The following TMC2 variants were observed in gnomAD, a reference collection of about 807,000 sequenced individuals.
TMC2 encodes the protein transmembrane channel like 2.
In TMC2, 102 loss-of-function variants were observed where a neutral mutation model predicts 105.9. The observed-to-expected ratio is 0.96, with a 90% CI of 0.82 to 1.14. The LOEUF is 1.14. Among genes scored for constraint, TMC2 ranks in the 50% most tolerant of loss-of-function variants. TMC2 has a pLI of 0.00. For synonymous variants in TMC2, 402 were observed against 422.8 expected (o/e 0.95, Z 0.60); for missense variants, 1,093 against 1,134.3 (o/e 0.96, Z 0.52).
intron 19 of TMC2, among the ~76,000 whole-genome samples, chr20:2,637,894 C>T (rs1008792539): frequency 6.6e-5 from 10 of 152,150 alleles, no homozygotes; most frequent in Admixed American, 2.6e-4. Flanking sequence ...TTGGATCAAC[C>T]ATGGATGGCA....
intron 17 of TMC2, among the ~76,000 whole-genome samples, chr20:2,634,198 T>A (rs2086625718): frequency 6.6e-6 from 1 of 152,182 alleles, no homozygotes. Context: ...CTGTGGTCAG[T>A]TTCCTGCCCG....
chr20:2,565,584 T>G (rs948248982), intron 4 of TMC2, among the ~76,000 whole-genome samples: 1 of 152,166 alleles, frequency 6.6e-6, no homozygotes, highest in African/African-American at 2.4e-5. Flanking sequence ...ACGCAACCCC[T>G]TTGCTACCAG....
chr20:2,599,539 A>ATTTTCTTTTT (rs1439640342), intron 10 of TMC2, among the ~76,000 whole-genome samples: 13 of 85,510 alleles, frequency 1.5e-4, no homozygotes, highest in African/African-American at 6.3e-4. Flanking sequence ...CTTTAATTAC[A>ATTTTCTTTTT]TTTTTTTTTT....
At chr20:2,623,973 A>AT (rs139185348) in intron 16 of TMC2, among the ~76,000 whole-genome samples, 5,788 of 152,210 alleles carry the variant, frequency 0.038, 361 homozygotes, top group African/African-American at 0.13. Context: ...GAGGAAAACC[A>AT]TTTTTTTCTG....
At chr20:2,566,307 C>T (rs763987336) in intron 4 of TMC2, among the ~76,000 whole-genome samples, 15 of 152,134 alleles carry the variant, frequency 9.9e-5, no homozygotes, top group Non-Finnish European at 1.5e-4. Flanking sequence ...TAAAAAATAG[C>T]GATTACTGTT....
intron 7 of TMC2, among the ~76,000 whole-genome samples, chr20:2,590,319 G>T (rs547153285): frequency 6.6e-6 from 1 of 152,122 alleles, no homozygotes; most frequent in East Asian, 1.9e-4. Flanking sequence ...AATTCAGGAG[G>T]GGCTTATCCA....
chr20:2,593,976 T>C (rs1030530230), intron 8 of TMC2, among the ~76,000 whole-genome samples: 50 of 152,278 alleles, frequency 3.3e-4, no homozygotes, highest in African/African-American at 1.2e-3. Context: ...CACACTGTCA[T>C]TGCCTCTCTG....
chr20:2,599,339 T>C (rs1445216786), intron 10 of TMC2, among the ~76,000 whole-genome samples: 1 of 151,156 alleles, frequency 6.6e-6, no homozygotes, highest in Non-Finnish European at 1.5e-5. Context: ...CTATGTTTCT[T>C]TCAATCCACA....
intron 2 of TMC2, among the ~76,000 whole-genome samples, chr20:2,545,227 A>G (rs532671545): frequency 2.6e-4 from 40 of 152,118 alleles, no homozygotes; most frequent in Non-Finnish European, 5.6e-4. Flanking sequence ...AAATACATAC[A>G]TACATAAAGG....
intron 2 of TMC2, among the ~76,000 whole-genome samples, chr20:2,542,144 C>A (rs1030100934): frequency 1.3e-5 from 2 of 151,864 alleles, no homozygotes; most frequent in Non-Finnish European, 2.9e-5. Context: ...GACAGATCAA[C>A]AAGAGGGGAA....
Position 2,592,474 on chromosome 20 carries a change from A to C in TMC2, c.933+66A>C, listed in dbSNP as rs939725398. The C allele has an allele frequency of 1.9e-6, 2 of 1,055,042 alleles. No homozygotes were observed. The highest frequency in any genetic ancestry group is 1.5e-6 in the Non-Finnish European group (1 of 672,110). The allele number at this position is 1,055,042 out of a possible 1,614,324, so 65.4% of individuals were successfully genotyped here. On this transcript the variant is annotated intron_variant, in intron 8 of 19. Coordinates refer to ENST00000358864, the MANE Select transcript of TMC2 (RefSeq NM_080751.3). This position sits in a 1 kb window ranked among gnomAD's most constrained non-coding sequence, Gnocchi z 4.9. ...ATAAAGGCTAAAGATTGCATGGATA[A>C]GTATGAAATAGTGCGTTTAATTATT...
At chr20:2,553,371 G>A (rs1353018488) in intron 2 of TMC2, among the ~76,000 whole-genome samples, 1 of 152,148 alleles carries the variant, frequency 6.6e-6, no homozygotes. Flanking sequence ...TTCATTAGCT[G>A]TTGATAAGAT....
intron 16 of TMC2, among the ~76,000 whole-genome samples, chr20:2,620,192 T>C (rs913284189): frequency 3.9e-5 from 6 of 152,306 alleles, no homozygotes; most frequent in South Asian, 4.1e-4. Flanking sequence ...ATGCTGCTTA[T>C]AGAAAATGTG....
intron 2 of TMC2, among the ~76,000 whole-genome samples, chr20:2,538,577 C>G (rs565945891): frequency 2.6e-5 from 4 of 152,294 alleles, no homozygotes; most frequent in East Asian, 1.9e-4. Flanking sequence ...AGCCTGGCCT[C>G]CCTCTGCCTC....
intron 12 of TMC2, among the ~76,000 whole-genome samples, chr20:2,611,866 ATGGGTGGG>A (rs1231486508): frequency 1.3e-3 from 110 of 85,798 alleles, no homozygotes; most frequent in African/African-American, 4.0e-3. Flanking sequence ...GGATGGATGG[ATGGGTGGG>A]TGGGTGGGTG....
chr20:2,574,274 G>A (rs1282126659), intron 5 of TMC2, among the ~76,000 whole-genome samples: 2 of 151,948 alleles, frequency 1.3e-5, no homozygotes, highest in Admixed American at 1.3e-4. Context: ...TTGATTTTCC[G>A]ATATTTTATT....
Position 2,592,288 on chromosome 20 carries a change from T to G in TMC2, c.835-22T>G. On this transcript the variant is annotated intron_variant, in intron 7 of 19. Transcript: ENST00000358864. The surrounding 1 kb of genome is among the most constrained non-coding windows in gnomAD (Gnocchi z 4.9). ...TTTGTATTTCCTCCACTCATACTTG[T>G]GTCATTGTGTTTCTGCACAAGGTAC... The G allele has an allele frequency of 6.6e-7, 1 of 1,511,284 alleles. No homozygotes were observed. The highest frequency in any genetic ancestry group is 9.2e-7 in the Non-Finnish European group (1 of 1,086,908). The allele number at this position is 1,511,284 out of a possible 1,614,324, so 93.6% of individuals were successfully genotyped here.
chr20:2,582,753 G>T (rs1712692307), intron 7 of TMC2, among the ~76,000 whole-genome samples: 1 of 152,206 alleles, frequency 6.6e-6, no homozygotes, highest in Non-Finnish European at 1.5e-5. Flanking sequence ...TGGGATTACA[G>T]GCATGAGCCA....
At chr20:2,581,470 C>T (rs2086189248) in intron 7 of TMC2, among the ~76,000 whole-genome samples, 1 of 152,206 alleles carries the variant, frequency 6.6e-6, no homozygotes, top group African/African-American at 2.4e-5. Context: ...ACGTCACTGT[C>T]AAGCGTACAC....
Sources: gnomAD v4.1 joint callset for allele counts (sites outside exome capture counted in the v4.1 genomes callset) on GRCh38, gnomAD v4.1.1 for gene constraint, Gnocchi (gnomAD v3.1) non-coding constraint, MANE v1.5 for transcripts, NCBI Gene and HGNC (gene_info 2026-07-23, HGNC 2026-07-21) for gene names.